Variants in SFMBT1 observed in about 807,000 individuals in gnomAD.
SFMBT1 encodes the protein scm-like with four MBT domains protein 1.
A neutral mutation model predicts 108.7 loss-of-function variants in SFMBT1; 32 were observed. The ratio of observed to expected loss-of-function variants is 0.29; its 90% CI spans 0.22 to 0.40. The LOEUF (loss-of-function observed/expected upper bound fraction) is 0.40. SFMBT1 is among the 10% of genes least tolerant of loss of function. The probability of loss-of-function intolerance (pLI) is 1.00; values close to 1 mark genes in which losing one functional copy is unlikely to be tolerated. For missense variants in SFMBT1, 816 were observed against 1,059.6 expected (o/e 0.77, Z 3.19); for synonymous variants, 348 against 369.5 (o/e 0.94, Z 0.67).
chr3:52,928,744 G>A lies in SFMBT1; in HGVS notation c.898-403C>T, dbSNP rs898165768. Among the ~76,000 whole-genome samples the A allele has an allele frequency of 9.3e-5, 14 of 150,612 alleles. No individual in the cohort carries two copies. The East Asian group carries it at 2.1e-3, about 23-fold the overall frequency. On this transcript the variant is annotated intron_variant, in intron 8 of 20. Coordinates refer to ENST00000394752, the MANE Select transcript of SFMBT1 (RefSeq NM_016329.4). ...AGGGTCTTGCTCTCTTACCCAGGCTGGAGTGCAGTGGCATGAATTTGGCTC... is the reference window on the plus strand; with the variant it reads ...AGGGTCTTGCTCTCTTACCCAGGCTAGAGTGCAGTGGCATGAATTTGGCTC...
At chr3:52,919,759 G>A (rs1462792642) in intron 12 of SFMBT1, among the ~76,000 whole-genome samples, 1 of 152,128 alleles carries the variant, frequency 6.6e-6, no homozygotes, top group East Asian at 1.9e-4. Context: ...TTACGGAGAG[G>A]CCCACATGGC....
In SFMBT1 at chr3:53,021,621, C is replaced by G. The variant is rs568945482; in HGVS notation, c.-131+24195G>C. The stretch of plus-strand genomic sequence containing the variant: ...ACAGTGTCTCCATAAGTCTTATGAC[C>G]TAAGGCCTTCATCAGGGCCTTTTTG... On this transcript the variant is annotated intron_variant, in intron 1 of 20. Coordinates refer to ENST00000394752, the MANE Select transcript of SFMBT1 (RefSeq NM_016329.4). 7.2e-5 allele frequency among the ~76,000 whole-genome samples: 11 copies of G among 152,174 alleles called. No individual in the cohort carries two copies. In the South Asian group the frequency reaches 2.3e-3, roughly 32 times the overall value.
rs976736527 is a variant in SFMBT1 at position 52,928,103 on chromosome 3, G to A, written c.1048+88C>T. On this transcript the variant is annotated intron_variant, in intron 9 of 20. Coordinates refer to ENST00000394752, the MANE Select transcript of SFMBT1 (RefSeq NM_016329.4). ...GGAACAGGCTAGGGCAGGAGGAGAG[G>A]GACAAAAGATTTCAGCAATGCCATC... 7.2e-6 allele frequency: 11 copies of A among 1,520,412 alleles called. No homozygotes were observed. In the Admixed American group the frequency reaches 2.1e-4, roughly 30 times the overall value. 94.2% of individuals were successfully genotyped at this position (1,520,412 alleles called of 1,614,324 possible). A position where few individuals can be genotyped will look rare whatever the true frequency, so the allele number is the denominator to read the frequency against.
At chr3:52,956,658 G>A (rs1046494176) in intron 2 of SFMBT1, among the ~76,000 whole-genome samples, 2 of 152,140 alleles carry the variant, frequency 1.3e-5, no homozygotes, top group Non-Finnish European at 2.9e-5. Context: ...CTACTCAGGA[G>A]GCTGAGAGAG....
At chr3:53,001,341 G>C (rs1224854197) in intron 1 of SFMBT1, among the ~76,000 whole-genome samples, 1 of 150,202 alleles carries the variant, frequency 6.7e-6, no homozygotes, top group Non-Finnish European at 1.5e-5. Flanking sequence ...TGAGACAGAA[G>C]GACTGCTTGA....
intron 1 of SFMBT1, among the ~76,000 whole-genome samples, chr3:53,037,541 T>G (rs949266652): frequency 1.3e-5 from 2 of 152,188 alleles, no homozygotes; most frequent in African/African-American, 4.8e-5. Context: ...AAATTAATAT[T>G]AATTACATTA....
At chr3:52,906,321 A>C in intron 19 of SFMBT1, 80 bp from the exon 20 acceptor site, 3 of 1,602,084 alleles carry the variant, frequency 1.9e-6, no homozygotes, top group Middle Eastern at 1.7e-4. Flanking sequence ...CTAAATTCAT[A>C]ATCTTTCAAG....
At chr3:53,003,839 C>T (rs1698644216) in intron 1 of SFMBT1, among the ~76,000 whole-genome samples, 1 of 148,586 alleles carries the variant, frequency 6.7e-6, no homozygotes, top group Admixed American at 6.8e-5. Context: ...TCCAAAATTA[C>T]ATGACATTAC....
rs1704774465 is a variant in SFMBT1, at chr3:52,983,126, C to T, written c.-130-13868G>A. Reference sequence around the variant, plus strand: ...CCTCTTGCCTTCCTTTCTGCCTCCTCCCCTCTTCCACCTGTGGCACCCTAA... The same window carrying T: ...CCTCTTGCCTTCCTTTCTGCCTCCTTCCCTCTTCCACCTGTGGCACCCTAA... On this transcript the variant is annotated intron_variant, in intron 1 of 20. Coordinates refer to ENST00000394752, the MANE Select transcript of SFMBT1 (RefSeq NM_016329.4). Among the ~76,000 whole-genome samples the T allele has an allele frequency of 3.3e-5, 5 of 152,288 alleles. No homozygotes were observed. In the South Asian group the frequency reaches 1.0e-3, roughly 32 times the overall value.
In SFMBT1 at chr3:53,001,940, C is replaced by T. The variant is rs1321168482; in HGVS notation, c.-130-32682G>A. On this transcript the variant is annotated intron_variant, in intron 1 of 20. Transcript: ENST00000394752. Reference sequence around the variant, plus strand: ...ACCCAGTCTCTCACACACACACACACACACACACACACACACACACACACA... The same window carrying T: ...ACCCAGTCTCTCACACACACACACATACACACACACACACACACACACACA... Among the ~76,000 whole-genome samples, 8 of 140,704 alleles carry T rather than the reference C, an allele frequency of 5.7e-5. 1 individual carries two copies. The highest frequency in any genetic ancestry group is 2.3e-4 in the South Asian group (1 of 4,418). 92.3% of individuals were successfully genotyped at this position (140,704 alleles called of 152,430 possible). A position where few individuals can be genotyped will look rare whatever the true frequency, so the allele number is the denominator to read the frequency against.
chr3:52,912,733 A>C, intron 15 of SFMBT1, 86 bp from the exon 16 acceptor site: 1 of 998,290 alleles, frequency 1.0e-6, no homozygotes, highest in Non-Finnish European at 1.6e-6. Flanking sequence ...TTAAAATGTT[A>C]AGATTATTTA....
chr3:52,933,854 G>A (rs1031056396), intron 5 of SFMBT1, among the ~76,000 whole-genome samples: 2 of 151,692 alleles, frequency 1.3e-5, no homozygotes, highest in Admixed American at 6.6e-5. Flanking sequence ...GATACCAAAA[G>A]CACAAGCAAC....
intron 1 of SFMBT1, among the ~76,000 whole-genome samples, chr3:52,985,890 C>G (rs1252453437): frequency 1.3e-5 from 2 of 152,060 alleles, no homozygotes; most frequent in Non-Finnish European, 2.9e-5. Flanking sequence ...CGCCTGTAAT[C>G]CCAGCACTTT....
chr3:52,993,042 A>G (rs1319806722), intron 1 of SFMBT1, among the ~76,000 whole-genome samples: 3 of 152,242 alleles, frequency 2.0e-5, no homozygotes, highest in Non-Finnish European at 4.4e-5. Context: ...GAGGGCCAAG[A>G]AAACCAAATT....
At chr3:53,018,521 C>T (rs1335720788) in intron 1 of SFMBT1, among the ~76,000 whole-genome samples, 1 of 152,168 alleles carries the variant, frequency 6.6e-6, no homozygotes, top group African/African-American at 2.4e-5. Flanking sequence ...CACAAACAGG[C>T]TCTCATGTTG....
At chr3:53,007,874 CA>C (rs1698800936) in intron 1 of SFMBT1, among the ~76,000 whole-genome samples, 1 of 151,976 alleles carries the variant, frequency 6.6e-6, no homozygotes, top group South Asian at 2.1e-4. Context: ...ATATTTCTGC[CA>C]AAGATACGCA....
intron 1 of SFMBT1, among the ~76,000 whole-genome samples, chr3:52,996,480 T>C (rs951052060): frequency 1.3e-5 from 2 of 149,980 alleles, no homozygotes; most frequent in Non-Finnish European, 3.0e-5. Flanking sequence ...TCCCAAATGC[T>C]AGGATTATAG....
intron 2 of SFMBT1, among the ~76,000 whole-genome samples, chr3:52,959,982 G>C (rs1220080042): frequency 6.6e-6 from 1 of 151,840 alleles, no homozygotes; most frequent in Non-Finnish European, 1.5e-5. Context: ...ACCACAAGGA[G>C]GTAAATATAA....
chr3:53,020,556 T>C (rs1265863196), intron 1 of SFMBT1, among the ~76,000 whole-genome samples: 1 of 152,234 alleles, frequency 6.6e-6, no homozygotes, highest in African/African-American at 2.4e-5. Context: ...CTTACTGGTT[T>C]ATTATCTCCC....
Sources: allele counts gnomAD v4.1 joint callset (sites outside exome capture counted in the v4.1 genomes callset), GRCh38; gene constraint gnomAD v4.1.1; transcripts MANE v1.5; gene names NCBI Gene and HGNC (gene_info 2026-07-23, HGNC 2026-07-21).